The following IFT88 variants were observed in gnomAD, a reference collection of about 807,000 sequenced individuals.
The protein encoded by IFT88 is intraflagellar transport 88, also known as intraflagellar transport protein 88 homolog.
Under a neutral mutation model 119.5 loss-of-function variants are expected in IFT88, and 74 were observed. The observed-to-expected ratio is 0.62, with a 90% confidence interval of 0.51 to 0.75. The LOEUF (loss-of-function observed/expected upper bound fraction) is 0.75. Among genes scored for constraint, IFT88 ranks in the 30% least tolerant of loss-of-function variants. The probability of loss-of-function intolerance (pLI) is 0.00; values close to 1 mark genes in which losing one functional copy is unlikely to be tolerated. For missense variants in IFT88, 961 were observed against 977.7 expected, an observed-to-expected ratio of 0.98 and a Z score of 0.23; for synonymous variants, 279 against 316.7, an observed-to-expected ratio of 0.88 and a Z score of 1.26.
At position 20,638,476 on chromosome 13, in the gene IFT88, C is replaced by G. The variant is rs750071942; in HGVS notation, c.1531C>G (p.Leu511Val). Reference protein sequence around the residue: ...EKAAEFYKEALRNDSSCTEAL... With the variant: ...EKAAEFYKEAVRNDSSCTEAL... ...GGCCGCTGAATTCTATAAAGAGGCTCTAAGAAATGATTCTTCTTGTACTGA... is the reference window on the plus strand; with the variant it reads ...GGCCGCTGAATTCTATAAAGAGGCTGTAAGAAATGATTCTTCTTGTACTGA... The change falls in exon 17 of 26, where the codon CTA becomes GTA. Residue 511 changes from leucine to valine, a missense_variant. By Grantham distance (32) the Leu-to-Val change is conservative. Coordinates refer to ENST00000351808, the MANE Select transcript of IFT88 (RefSeq NM_006531.5). 2.6e-6 allele frequency: 4 copies of G among 1,516,716 alleles called. No individual in the cohort carries two copies. Among genetic ancestry groups the G allele is most frequent in the Non-Finnish European group, 2.6e-6 (3 of 1,140,254 alleles). 94.0% of individuals were successfully genotyped at this position (1,516,716 alleles called of 1,614,324 possible).
At chr13:20,585,087 A>G (rs1001376425) in intron 3 of IFT88, among the ~76,000 whole-genome samples, 18 of 152,174 alleles carry the variant, frequency 1.2e-4, no homozygotes, top group Non-Finnish European at 2.5e-4. Flanking sequence ...GTACTTATCT[A>G]GCAAAAATAA....
intron 14 of IFT88, among the ~76,000 whole-genome samples, chr13:20,620,687 T>C (rs1021152519): frequency 1.3e-5 from 2 of 151,704 alleles, no homozygotes; most frequent in African/African-American, 4.8e-5. Flanking sequence ...TGCCTCAGCC[T>C]CCTGAGTAGC....
chr13:20,608,411 C>T (rs1215000720), intron 13 of IFT88, among the ~76,000 whole-genome samples: 3 of 152,178 alleles, frequency 2.0e-5, no homozygotes, highest in African/African-American at 4.8e-5. Flanking sequence ...AGACTGTCAT[C>T]TGAGGGCCGG....
At chr13:20,604,225 G>A (rs1299455562) in intron 12 of IFT88, among the ~76,000 whole-genome samples, 1 of 152,120 alleles carries the variant, frequency 6.6e-6, no homozygotes, top group African/African-American at 2.4e-5. Context: ...GGGCAACAGA[G>A]CAAGACTCTG....
At chr13:20,608,816 G>C (rs1359448092) in intron 13 of IFT88, among the ~76,000 whole-genome samples, 1 of 152,174 alleles carries the variant, frequency 6.6e-6, no homozygotes, top group African/African-American at 2.4e-5. Flanking sequence ...TTGCAGCCTT[G>C]CAGCCTGGTG....
At chr13:20,634,457 C>G (rs921359291) in intron 16 of IFT88, among the ~76,000 whole-genome samples, 2 of 152,164 alleles carry the variant, frequency 1.3e-5, no homozygotes, top group African/African-American at 4.8e-5. Flanking sequence ...GTAATCCCAG[C>G]ACTTTGGGAG....
At chr13:20,594,062 T>TA (rs564792434) in intron 7 of IFT88, among the ~76,000 whole-genome samples, 10,523 of 137,366 alleles carry the variant, frequency 0.077, 435 homozygotes, top group African/African-American at 0.11. Context: ...AAGAAAGACT[T>TA]AAAAAAAAAA....
chr13:20,570,402 G>A (rs542509860), intron 1 of IFT88, among the ~76,000 whole-genome samples: 3 of 152,192 alleles, frequency 2.0e-5, no homozygotes, highest in Admixed American at 6.5e-5. Flanking sequence ...ACCTATATAT[G>A]CATGCTAAAA....
Position 20,625,784 on chromosome 13 carries a change from G to T in IFT88, c.1234G>T (p.Glu412Ter), listed in dbSNP as rs753880151. Residue 412 changes from glutamate (E) to a stop codon, truncating the protein, a stop_gained, in exon 15 of 26, where the codon GAG (glutamate) becomes TAG (stop). Transcript: ENST00000351808. LOFTEE classifies it high-confidence loss of function. ...AGTGGTGAAAGCTTCTCAATATGTAGAGCTAGCCAATGATCTGGAAATAAA... is the reference window on the plus strand; with the variant it reads ...AGTGGTGAAAGCTTCTCAATATGTATAGCTAGCCAATGATCTGGAAATAAA... ...VEVVKASQYV[E>*]LANDLEINKA... The T allele has an allele frequency of 2.5e-6, 4 of 1,605,506 alleles. No homozygotes were observed. The highest frequency in any genetic ancestry group is 3.4e-6 in the Non-Finnish European group (4 of 1,177,744).
chr13:20,589,204 G>A (rs747488032), intron 3 of IFT88, among the ~76,000 whole-genome samples: 8 of 152,086 alleles, frequency 5.3e-5, no homozygotes, highest in Non-Finnish European at 8.8e-5. Context: ...TTAATGAGAA[G>A]GTTTTTAAAA....
chr13:20,597,882 A>G (rs2042012052), intron 9 of IFT88, among the ~76,000 whole-genome samples: 1 of 151,902 alleles, frequency 6.6e-6, no homozygotes, highest in Non-Finnish European at 1.5e-5. Flanking sequence ...ATGAGATTGT[A>G]ATGTAGACTT....
chr13:20,653,763 T>A (rs1206081519), intron 20 of IFT88, 113 bp from the exon 21 acceptor site: 2 of 513,320 alleles, frequency 3.9e-6, no homozygotes, highest in Admixed American at 3.5e-5. Context: ...ATAATAAAAA[T>A]TATCTAACAA....
intron 11 of IFT88, among the ~76,000 whole-genome samples, chr13:20,600,701 G>A (rs2042447305): frequency 1.2e-5 from 1 of 82,174 alleles, no homozygotes; most frequent in African/African-American, 4.7e-5. Flanking sequence ...CGGAAAACAG[G>A]CAGTTAGCTA....
chr13:20,600,837 T>C (rs746799449), intron 11 of IFT88, among the ~76,000 whole-genome samples: 1 of 152,182 alleles, frequency 6.6e-6, no homozygotes, highest in Non-Finnish European at 1.5e-5. Flanking sequence ...TTATTCATAA[T>C]AGCCAAAAAG....
At chr13:20,578,729 A>G (rs962786107) in intron 2 of IFT88, among the ~76,000 whole-genome samples, 1 of 152,042 alleles carries the variant, frequency 6.6e-6, no homozygotes, top group Non-Finnish European at 1.5e-5. Context: ...ATGTATTTTT[A>G]GTAGAGATGA....
At chr13:20,604,479 A>G (rs1436336868) in intron 12 of IFT88, among the ~76,000 whole-genome samples, 6 of 152,224 alleles carry the variant, frequency 3.9e-5, no homozygotes, top group Non-Finnish European at 8.8e-5. Flanking sequence ...GCTTCTGTGT[A>G]CTTGGTCCTA....
intron 23 of IFT88, among the ~76,000 whole-genome samples, chr13:20,663,838 C>G: frequency 6.6e-6 from 1 of 152,172 alleles, no homozygotes; most frequent in East Asian, 1.9e-4. Flanking sequence ...TGGATAGCTA[C>G]TAACAGACAA....
At chr13:20,608,121 C>T in intron 13 of IFT88, 1 of 460,186 alleles carries the variant, frequency 2.2e-6, no homozygotes, top group Non-Finnish European at 4.3e-6. Flanking sequence ...GGCAGAGCTA[C>T]CCAAACTCTT....
At chr13:20,573,072 A>T (rs1381577899) in intron 1 of IFT88, among the ~76,000 whole-genome samples, 1 of 152,162 alleles carries the variant, frequency 6.6e-6, no homozygotes, top group Non-Finnish European at 1.5e-5. Flanking sequence ...TTGAAGAATG[A>T]GACTCTCCTC....
Sources: allele counts gnomAD v4.1 joint callset (sites outside exome capture counted in the v4.1 genomes callset), GRCh38; gene constraint gnomAD v4.1.1; transcripts MANE v1.5; gene names NCBI Gene and HGNC (gene_info 2026-07-23, HGNC 2026-07-21).